SLC9A1: variants seen among roughly 807,000 people sequenced by gnomAD.
SLC9A1 encodes sodium/hydrogen exchanger 1.
SLC9A1 carries 22 observed loss-of-function variants against 67.9 expected under a neutral mutation model. That is an observed-to-expected ratio of 0.32 (90% CI 0.23 to 0.46). The LOEUF (loss-of-function observed/expected upper bound fraction) is 0.46. SLC9A1 is among the 20% of genes least tolerant of loss of function. The pLI is 1.00. For missense variants in SLC9A1, 686 were observed against 1,094.8 expected (o/e 0.63, Z 5.27); for synonymous variants, 421 against 471.8 (o/e 0.89, Z 1.40).
intron 1 of SLC9A1, among the ~76,000 whole-genome samples, chr1:27,143,753 G>A (rs1433868889): frequency 6.6e-6 from 1 of 152,192 alleles, no homozygotes; most frequent in African/African-American, 2.4e-5. Context: ...GGAAAGAGGC[G>A]AGCTAGGACT....
chr1:27,107,624 C>A, intron 4 of SLC9A1, 24 bp downstream of exon 4: 1 of 1,527,962 alleles, frequency 6.5e-7, no homozygotes, highest in Non-Finnish European at 8.8e-7. Context: ...ACAACCCCCA[C>A]CCCGCCCCAG....
At chr1:27,103,611 A>G (rs2083163041) in intron 5 of SLC9A1, 2 of 423,300 alleles carry the variant, frequency 4.7e-6, no homozygotes, top group Non-Finnish European at 8.8e-6. Flanking sequence ...ACTGCACCAC[A>G]GACTTGCTCT....
intron 1 of SLC9A1, among the ~76,000 whole-genome samples, chr1:27,130,958 C>T (rs578069197): frequency 2.6e-5 from 4 of 152,230 alleles, no homozygotes; most frequent in African/African-American, 9.6e-5. Flanking sequence ...GTCTGCCAAC[C>T]AGTTCACCCC....
chr1:27,120,323 G>A (rs1228326253), intron 1 of SLC9A1, among the ~76,000 whole-genome samples: 2 of 151,508 alleles, frequency 1.3e-5, no homozygotes, highest in Non-Finnish European at 2.9e-5. Flanking sequence ...GAGGGGTTTC[G>A]CCATGTTGGC....
chr1:27,107,916 C>A, intron 3 of SLC9A1, 51 bp from the exon 4 acceptor site: 4 of 1,383,954 alleles, frequency 2.9e-6, no homozygotes, highest in South Asian at 2.5e-5. Flanking sequence ...TGCACCTGCT[C>A]GAGCCCCTCC....
intron 1 of SLC9A1, among the ~76,000 whole-genome samples, chr1:27,125,740 G>A (rs867298220): frequency 3.3e-5 from 5 of 152,212 alleles, no homozygotes; most frequent in South Asian, 4.1e-4. Context: ...GACTATAGGC[G>A]TATGCCACCA....
chr1:27,110,961 G>A (rs2083223667), intron 2 of SLC9A1, among the ~76,000 whole-genome samples: 1 of 152,234 alleles, frequency 6.6e-6, no homozygotes, highest in South Asian at 2.1e-4. Flanking sequence ...ACCGTGAGGA[G>A]TGACCTGTCT....
intron 1 of SLC9A1, among the ~76,000 whole-genome samples, chr1:27,141,725 G>T (rs2083454258): frequency 6.6e-6 from 1 of 152,194 alleles, no homozygotes; most frequent in South Asian, 2.1e-4. Context: ...AAGCGGGTGG[G>T]GTAGGGTGCC....
At position 27,107,666 on chromosome 1, in the gene SLC9A1, G is replaced by C; in HGVS notation, c.1264C>G (p.Leu422Val). 1 of 1,558,556 alleles carries C rather than the reference G, an allele frequency of 6.4e-7. No individual in the cohort carries two copies. Among genetic ancestry groups the C allele is most frequent in the Non-Finnish European group, 8.7e-7 (1 of 1,151,116 alleles). ...TFVISTLLFC[L>V]IARVLGVLGL... ...CCCTCACCCAGCACGCGGGCGATGA[G>C]GCAGAAGAGCAGGGTGCTGATGACG... The change falls in exon 4 of 12, where the codon CTC (leucine) becomes GTC (valine). Residue 422 changes from leucine to valine, a missense_variant. This residue lies in a region of SLC9A1 where 168 missense variants were observed against 375.4 expected (regional missense o/e 0.45). Transcript: ENST00000263980.
intron 1 of SLC9A1, among the ~76,000 whole-genome samples, chr1:27,115,735 C>CA (rs112070851): frequency 0.011 from 1,506 of 139,172 alleles, 25 homozygotes; most frequent in African/African-American, 0.036. Context: ...AGCCCAGCCT[C>CA]AAAAAAAAAA....
At chr1:27,129,098 T>C (rs1301274092) in intron 1 of SLC9A1, among the ~76,000 whole-genome samples, 1 of 152,210 alleles carries the variant, frequency 6.6e-6, no homozygotes, top group African/African-American at 2.4e-5. Flanking sequence ...CAAGAGCTTC[T>C]CCTAAACAGG....
rs779249843 is a variant in SLC9A1 at position 27,119,646 on chromosome 1, T to C, written c.353-5360A>G. Among the ~76,000 whole-genome samples the C allele has an allele frequency of 1.3e-4, 20 of 152,178 alleles. 1 individual carries two copies. The highest frequency in any genetic ancestry group is 4.1e-4 in the South Asian group (2 of 4,832). On this transcript the variant is annotated intron_variant, in intron 1 of 11. Transcript: ENST00000263980. ...AAGTCACAATTACCATCCCCTTATT[T>C]TACAGATGAGGAAACTGAAGCACAC...
rs2083209761 is a variant in SLC9A1 at position 27,109,148 on chromosome 1, C to A, written c.1064+379G>T. Reference sequence around the variant, plus strand: ...TCCTACTGGGGCTGCTGAGGGGACTCCCTTTGAGACAATGAAGTAGCAGGG... The same window carrying A: ...TCCTACTGGGGCTGCTGAGGGGACTACCTTTGAGACAATGAAGTAGCAGGG... On this transcript the variant is annotated intron_variant, in intron 3 of 11. Coordinates refer to ENST00000263980, the MANE Select transcript of SLC9A1 (RefSeq NM_003047.5). The surrounding 1 kb of genome is among the most constrained non-coding windows in gnomAD (Gnocchi z 5.5). 6.6e-6 allele frequency among the ~76,000 whole-genome samples: 1 copy of A among 152,264 alleles called. No homozygotes were observed. Among genetic ancestry groups the A allele is most frequent in the South Asian group, 2.1e-4 (1 of 4,828 alleles).
Position 27,101,174 on chromosome 1 carries a change from A to T in SLC9A1, c.2110+29T>A. The T allele has an allele frequency of 3.2e-6, 5 of 1,581,310 alleles. No homozygotes were observed. The South Asian group carries it at 5.5e-5, about 18-fold the overall frequency. ...CAGGAGGTGGCAGCTCAGAGTGCCC[A>T]GTCCTGAGGCCCCTCGCCAGGCCCT... is the stretch of plus-strand genomic sequence containing the variant. On this transcript the variant is annotated intron_variant, in intron 11 of 11. Coordinates refer to ENST00000263980, the MANE Select transcript of SLC9A1 (RefSeq NM_003047.5). The surrounding 1 kb of genome is among the most constrained non-coding windows in gnomAD (Gnocchi z 4.9).
chr1:27,153,113 T>C (rs1570892689), intron 1 of SLC9A1, among the ~76,000 whole-genome samples: 1 of 152,024 alleles, frequency 6.6e-6, no homozygotes, highest in Admixed American at 6.5e-5. Flanking sequence ...TGTTTCCTTC[T>C]CCCCAAAAGA....
Position 27,137,757 on chromosome 1 carries a change from T to C in SLC9A1, c.352+16226A>G, listed in dbSNP as rs1480446331. The stretch of plus-strand genomic sequence containing the variant: ...CCCACATGACAGGTCTGGTGACTGT[T>C]TGCCTGCAGGCGCTGAGGCTCAGCA... On this transcript the variant is annotated intron_variant, in intron 1 of 11. Transcript: ENST00000263980. The surrounding 1 kb of genome is among the most constrained non-coding windows in gnomAD (Gnocchi z 4.6). Among the ~76,000 whole-genome samples the C allele has an allele frequency of 2.0e-5, 3 of 152,170 alleles. No individual in the cohort carries two copies. Among genetic ancestry groups the C allele is most frequent in the Non-Finnish European group, 4.4e-5 (3 of 68,020 alleles).
intron 2 of SLC9A1, among the ~76,000 whole-genome samples, chr1:27,112,458 G>T (rs748015616): frequency 1.3e-5 from 2 of 152,232 alleles, no homozygotes; most frequent in African/African-American, 2.4e-5. Context: ...ACAACACAAC[G>T]TGAGCATGCA....
At chr1:27,119,377 G>T (rs985330012) in intron 1 of SLC9A1, among the ~76,000 whole-genome samples, 2 of 152,134 alleles carry the variant, frequency 1.3e-5, no homozygotes, top group African/African-American at 4.8e-5. Flanking sequence ...GGGACCCAGG[G>T]GCACACTGAG....
chr1:27,150,381 C>T (rs1557438262), intron 1 of SLC9A1, among the ~76,000 whole-genome samples: 1 of 152,320 alleles, frequency 6.6e-6, no homozygotes. Context: ...GGGCCTCTGC[C>T]AGGCATTCTG....
Sources: gnomAD v4.1 joint callset for allele counts (sites outside exome capture counted in the v4.1 genomes callset) on GRCh38, gnomAD v4.1.1 for gene constraint, gnomAD v4.1.1 regional missense constraint, Gnocchi (gnomAD v3.1) non-coding constraint, MANE v1.5 for transcripts, NCBI Gene and HGNC (gene_info 2026-07-23, HGNC 2026-07-21) for gene names.